NOVA1: variants seen among roughly 807,000 people sequenced by gnomAD.
NOVA1 encodes the protein NOVA alternative splicing regulator 1.
A neutral mutation model predicts 38.0 loss-of-function variants in NOVA1; 7 were observed. The ratio of observed to expected loss-of-function variants is 0.18; its 90% CI spans 0.10 to 0.35. The LOEUF is 0.35. NOVA1 is among the 10% of genes least tolerant of loss of function. The pLI is 1.00. For synonymous variants in NOVA1, 270 were observed against 232.5 expected (o/e 1.16, Z -1.47); for missense variants, 460 against 616.0 (o/e 0.75, Z 2.68).
At chr14:26,562,331 T>G (rs1003250594) in intron 2 of NOVA1, among the ~76,000 whole-genome samples, 4 of 152,144 alleles carry the variant, frequency 2.6e-5, no homozygotes, top group Non-Finnish European at 5.9e-5. Flanking sequence ...TAGTATGCGT[T>G]TAATGGGATT....
At chr14:26,583,743 CA>C (rs1175028591) in intron 2 of NOVA1, among the ~76,000 whole-genome samples, 1 of 151,204 alleles carries the variant, frequency 6.6e-6, no homozygotes, top group Non-Finnish European at 1.5e-5. Flanking sequence ...CGCTTTATCT[CA>C]ATAATCAACA....
At chr14:26,499,193 A>C (rs1405000243) in intron 2 of NOVA1, among the ~76,000 whole-genome samples, 3 of 152,184 alleles carry the variant, frequency 2.0e-5, no homozygotes, top group Non-Finnish European at 2.9e-5. Flanking sequence ...GGGCGAAATG[A>C]GTAACTATGA....
chr14:26,487,832 C>G (rs552472104), intron 2 of NOVA1, among the ~76,000 whole-genome samples: 2 of 152,238 alleles, frequency 1.3e-5, no homozygotes, highest in East Asian at 1.9e-4. Flanking sequence ...TTGCAGAGAA[C>G]AGACCACCAC....
chr14:26,502,197 T>G (rs1887290546), intron 2 of NOVA1, among the ~76,000 whole-genome samples: 1 of 151,886 alleles, frequency 6.6e-6, no homozygotes, highest in African/African-American at 2.4e-5. Flanking sequence ...GATGTTGGAC[T>G]GAATTTTATT....
intron 4 of NOVA1, chr14:26,470,473 C>T (rs1455559823): frequency 5.1e-6 from 8 of 1,557,738 alleles, no homozygotes; most frequent in Non-Finnish European, 6.2e-6. Context: ...TTCATGATAT[C>T]CAGGAGATAT....
intron 2 of NOVA1, among the ~76,000 whole-genome samples, chr14:26,550,337 CT>C (rs1891083621): frequency 6.6e-6 from 1 of 152,102 alleles, no homozygotes; most frequent in African/African-American, 2.4e-5. Flanking sequence ...TTCCGAATTA[CT>C]TTATATTTGA....
intron 2 of NOVA1, among the ~76,000 whole-genome samples, chr14:26,555,008 A>G (rs1462198837): frequency 2.0e-5 from 3 of 152,156 alleles, no homozygotes; most frequent in Admixed American, 2.0e-4. Flanking sequence ...CTAAAACATA[A>G]TATCTCCTAA....
At chr14:26,585,621 CA>C (rs2138787224) in intron 2 of NOVA1, among the ~76,000 whole-genome samples, 1 of 151,338 alleles carries the variant, frequency 6.6e-6, no homozygotes, top group South Asian at 2.1e-4. Flanking sequence ...CAATGTGATA[CA>C]GCTATAAAAT....
intron 4 of NOVA1, among the ~76,000 whole-genome samples, chr14:26,467,110 C>T (rs797015188): frequency 5.3e-5 from 8 of 152,134 alleles, no homozygotes; most frequent in African/African-American, 1.9e-4. Context: ...CAGAAGAATT[C>T]CCAAGTATTG....
chr14:26,567,290 A>ATTTTTTT (rs372263187), intron 2 of NOVA1, among the ~76,000 whole-genome samples: 14 of 93,718 alleles, frequency 1.5e-4, no homozygotes, highest in South Asian at 3.9e-4. Flanking sequence ...GTCTTGTTTA[A>ATTTTTTT]TTTTTTTTTT....
At chr14:26,577,338 T>A (rs991936833) in intron 2 of NOVA1, among the ~76,000 whole-genome samples, 5 of 152,088 alleles carry the variant, frequency 3.3e-5, no homozygotes, top group African/African-American at 9.7e-5. Flanking sequence ...CAGGGTTCCC[T>A]ATAACACAAA....
intron 2 of NOVA1, among the ~76,000 whole-genome samples, chr14:26,539,930 G>C (rs1434708440): frequency 6.6e-6 from 1 of 152,096 alleles, no homozygotes. Flanking sequence ...GCCTGCTGCA[G>C]AGTTACTCCT....
chr14:26,595,985 G>T, intron 1 of NOVA1: 1 of 352,502 alleles, frequency 2.8e-6, no homozygotes, highest in South Asian at 2.4e-5. Context: ...TGTAAATAGT[G>T]ATGAGCTATA....
At position 26,531,169 on chromosome 14, in the gene NOVA1, TATTTA is replaced by T. The variant is rs879194833; in HGVS notation, c.281-51031_281-51027del. Among the ~76,000 whole-genome samples the T allele has an allele frequency of 7.2e-5, 11 of 152,376 alleles. 1 individual carries two copies. Among genetic ancestry groups the T allele is most frequent in the Admixed American group, 7.2e-4 (11 of 15,310 alleles). ...GAAAAAAATCCATCTACTCCTTCTT[TATTTA>T]GAGTCTGTCAAATGTGTGATGATAG... On this transcript the variant is annotated intron_variant, in intron 2 of 4. Coordinates refer to ENST00000539517, the MANE Select transcript of NOVA1 (RefSeq NM_002515.3).
chr14:26,498,782 T>C (rs1489625065), intron 2 of NOVA1, among the ~76,000 whole-genome samples: 1 of 152,162 alleles, frequency 6.6e-6, no homozygotes, highest in Admixed American at 6.5e-5. Flanking sequence ...TAAAGAACAT[T>C]TTCTTTGATT....
intron 2 of NOVA1, among the ~76,000 whole-genome samples, chr14:26,514,451 G>A (rs1260579485): frequency 6.6e-6 from 1 of 151,662 alleles, no homozygotes; most frequent in Non-Finnish European, 1.5e-5. Context: ...AGGGAGGAAT[G>A]GAATTCCTCA....
intron 2 of NOVA1, among the ~76,000 whole-genome samples, chr14:26,577,763 G>T (rs1892954103): frequency 6.6e-6 from 1 of 152,072 alleles, no homozygotes; most frequent in Admixed American, 6.5e-5. Flanking sequence ...ATCTGAGGGG[G>T]TCAAGAGAAA....
intron 2 of NOVA1, among the ~76,000 whole-genome samples, chr14:26,534,539 G>T (rs1462691438): frequency 6.6e-6 from 1 of 151,676 alleles, no homozygotes; most frequent in Non-Finnish European, 1.5e-5. Context: ...TTTATAACTG[G>T]GTAGAAAATG....
rs993050667 is a variant in NOVA1 at position 26,579,279 on chromosome 14, A to T, written c.280+16131T>A. Among the ~76,000 whole-genome samples, 6 of 152,010 alleles carry T rather than the reference A, an allele frequency of 3.9e-5. No individual in the cohort carries two copies. The East Asian group carries it at 1.2e-3, about 29-fold the overall frequency. ...CACCGTGTTGGCCAGGATGGTCCCA[A>T]TCTGTTGACCTCGTGATCTGCCTGC... On this transcript the variant is annotated intron_variant, in intron 2 of 4. Coordinates refer to ENST00000539517, the MANE Select transcript of NOVA1 (RefSeq NM_002515.3).
Sources: allele counts gnomAD v4.1 joint callset (sites outside exome capture counted in the v4.1 genomes callset), GRCh38; gene constraint gnomAD v4.1.1; transcripts MANE v1.5; gene names NCBI Gene and HGNC (gene_info 2026-07-23, HGNC 2026-07-21).